Variants in LRP5 observed in about 807,000 individuals in gnomAD.
LRP5 encodes the protein LDL receptor related protein 5.
A neutral mutation model predicts 154.1 loss-of-function variants in LRP5; 62 were observed. The ratio of observed to expected loss-of-function variants is 0.40; its 90% CI spans 0.33 to 0.50. The LOEUF (loss-of-function observed/expected upper bound fraction) is 0.50. Among genes scored for constraint, LRP5 ranks in the 20% least tolerant of loss-of-function variants. LRP5 has a pLI of 0.55. For missense variants in LRP5, 1,915 were observed against 2,336.7 expected (o/e 0.82, Z 3.72); for synonymous variants, 966 against 1,011.5 (o/e 0.96, Z 0.85).
chr11:68,433,929 G>A (rs1207816134), intron 18 of LRP5, 91 bp downstream of exon 18: 4 of 1,274,312 alleles, frequency 3.1e-6, no homozygotes, highest in Non-Finnish European at 4.4e-6. Flanking sequence ...ACAGGAGTAG[G>A]GGCTCTGAAA....
At chr11:68,379,045 C>CA (rs992276529) in intron 5 of LRP5, among the ~76,000 whole-genome samples, 104 of 137,602 alleles carry the variant, frequency 7.6e-4, no homozygotes, top group East Asian at 1.0e-3. Context: ...GACTCTGTCT[C>CA]AAAAAAAAAA....
At chr11:68,397,829 C>T (rs1184708842) in intron 7 of LRP5, among the ~76,000 whole-genome samples, 5 of 152,176 alleles carry the variant, frequency 3.3e-5, no homozygotes, top group Non-Finnish European at 4.4e-5. Flanking sequence ...CTTTGACAGG[C>T]ACCCCTGACT....
intron 5 of LRP5, among the ~76,000 whole-genome samples, chr11:68,373,380 C>T (rs571890361): frequency 2.5e-4 from 36 of 144,244 alleles, no homozygotes; most frequent in African/African-American, 8.5e-4. Flanking sequence ...GGTAGGGATG[C>T]GTTGGTGGCG....
At chr11:68,387,306 G>A (rs1331921738) in intron 6 of LRP5, among the ~76,000 whole-genome samples, 4 of 152,034 alleles carry the variant, frequency 2.6e-5, no homozygotes, top group South Asian at 4.2e-4. Context: ...GTAGAGATGG[G>A]GTTTCACCGT....
In LRP5 at chr11:68,329,557, C is replaced by T. The variant is rs190038698; in HGVS notation, c.91+16752C>T. Among the ~76,000 whole-genome samples the T allele has an allele frequency of 1.2e-4, 18 of 152,346 alleles. No individual in the cohort carries two copies. The East Asian group carries it at 1.9e-3, about 16-fold the overall frequency. ...ATGGGTTTCAGTAAGTGCAAGCCCT[C>T]CTTGTCATCCCAGACCTCAGCCTGC... On this transcript the variant is annotated intron_variant, in intron 1 of 22. Transcript: ENST00000294304.
intron 17 of LRP5, among the ~76,000 whole-genome samples, chr11:68,430,320 C>T (rs2098671204): frequency 6.6e-6 from 1 of 152,160 alleles, no homozygotes; most frequent in African/African-American, 2.4e-5. Context: ...ATTACAGGTG[C>T]ACGCCACCAT....
intron 6 of LRP5, among the ~76,000 whole-genome samples, chr11:68,388,845 CA>C (rs1042745297): frequency 1.4e-4 from 22 of 152,276 alleles, no homozygotes; most frequent in Admixed American, 1.0e-3. Context: ...ATCCCTGTCC[CA>C]GGGGAGCCCC....
intron 3 of LRP5, among the ~76,000 whole-genome samples, chr11:68,358,548 C>A (rs535208933): frequency 6.6e-6 from 1 of 152,238 alleles, no homozygotes; most frequent in African/African-American, 2.4e-5. Context: ...ACACGCACCA[C>A]CCCCACCCTG....
Position 68,448,839 on chromosome 11 carries a change from G to A in LRP5, c.4617G>A (p.Pro1539=), listed in dbSNP as rs1168730573. 5.0e-6 allele frequency: 8 copies of A among 1,609,610 alleles called. No homozygotes were observed. Among genetic ancestry groups the A allele is most frequent in the South Asian group, 1.1e-5 (1 of 91,060 alleles). The change falls in exon 23 of 23, where the codon CCG becomes CCA. Residue 1539 remains proline (P), a synonymous_variant. Coordinates refer to ENST00000294304, the MANE Select transcript of LRP5 (RefSeq NM_002335.4). ...ACATCATTCGAGGAATGGCGCCCCC[G>A]ACGACGCCCTGCAGCACCGACGTGT... ...RPYIIRGMAP[P]TTPCSTDVCD...
At chr11:68,364,415 T>G (rs2098629815) in intron 4 of LRP5, among the ~76,000 whole-genome samples, 1 of 150,104 alleles carries the variant, frequency 6.7e-6, no homozygotes, top group Non-Finnish European at 1.5e-5. Context: ...AGATGAGAGA[T>G]TTTGCCACGT....
chr11:68,323,536 C>T (rs552720806), intron 1 of LRP5, among the ~76,000 whole-genome samples: 10 of 152,296 alleles, frequency 6.6e-5, no homozygotes, highest in African/African-American at 1.7e-4. Context: ...GCCTCAGCCT[C>T]CTGAGTAGCT....
At chr11:68,388,949 C>A (rs2098644525) in intron 6 of LRP5, among the ~76,000 whole-genome samples, 1 of 152,210 alleles carries the variant, frequency 6.6e-6, no homozygotes, top group African/African-American at 2.4e-5. Flanking sequence ...TTTACAAACA[C>A]CGACATTGAC....
intron 1 of LRP5, among the ~76,000 whole-genome samples, chr11:68,322,414 C>G (rs2098597246): frequency 6.6e-6 from 1 of 152,246 alleles, no homozygotes; most frequent in Non-Finnish European, 1.5e-5. Flanking sequence ...ATTAATTTTT[C>G]TCCAAGTAGT....
Position 68,438,654 on chromosome 11 carries a change from G to A in LRP5, c.4320G>A (p.Pro1440=), listed in dbSNP as rs753598091. The A allele has an allele frequency of 1.1e-5, 17 of 1,613,036 alleles. No homozygotes were observed. The highest frequency in any genetic ancestry group is 6.7e-5 in the Admixed American group (4 of 59,970). Residue 1440 remains proline (P), a synonymous_variant, in exon 20 of 23, where the codon CCG becomes CCA. Coordinates refer to ENST00000294304, the MANE Select transcript of LRP5 (RefSeq NM_002335.4). ...TPHVPLNFIA[P]GGSQHGPFTG... is the part of the protein sequence containing the mutation. ...ACGTGCCCCTCAATTTCATAGCCCC[G>A]GGCGGTTCCCAGCATGGCCCCTTCA...
At chr11:68,319,860 T>C (rs7936763) in intron 1 of LRP5, among the ~76,000 whole-genome samples, 6,710 of 152,186 alleles carry the variant, frequency 0.044, 484 homozygotes, top group African/African-American at 0.15. Flanking sequence ...TCCATTTCTG[T>C]TTTTAAAGAT....
At chr11:68,400,176 C>A (rs2098651870) in intron 7 of LRP5, among the ~76,000 whole-genome samples, 1 of 152,142 alleles carries the variant, frequency 6.6e-6, no homozygotes, top group South Asian at 2.1e-4. Flanking sequence ...CCCGTCGCCT[C>A]CTCTCACTTT....
Position 68,409,933 on chromosome 11 carries a change from T to C in LRP5, c.2111T>C (p.Met704Thr), listed in dbSNP as rs2098658465. The C allele has an allele frequency of 7.4e-6, 12 of 1,613,688 alleles. No homozygotes were observed. The highest frequency in any genetic ancestry group is 1.1e-5 in the South Asian group (1 of 91,054). ...TGCCAGACCATCAGCCGCGCCTTCATGAACGGGAGCTCGGTGGAGCACGTG... is the reference window on the plus strand; with the variant it reads ...TGCCAGACCATCAGCCGCGCCTTCACGAACGGGAGCTCGGTGGAGCACGTG... ...VSLKTISRAF[M>T]NGSSVEHVVE... is the part of the protein sequence containing the mutation. The change falls in exon 10 of 23, where the codon ATG (methionine) becomes ACG (threonine). Residue 704 changes from methionine to threonine, a missense_variant. Coordinates refer to ENST00000294304, the MANE Select transcript of LRP5 (RefSeq NM_002335.4).
chr11:68,394,272 T>A (rs1351919303), intron 7 of LRP5, among the ~76,000 whole-genome samples: 1 of 151,986 alleles, frequency 6.6e-6, no homozygotes, highest in African/African-American at 2.4e-5. Context: ...AGGAAGGAAT[T>A]CCAGATTCTC....
intron 7 of LRP5, among the ~76,000 whole-genome samples, chr11:68,401,059 C>A (rs556425513): frequency 1.4e-4 from 21 of 152,186 alleles, no homozygotes; most frequent in Non-Finnish European, 2.4e-4. Context: ...AAGGGTTCGC[C>A]CGCTACTGTG....
Sources: allele counts gnomAD v4.1 joint callset (sites outside exome capture counted in the v4.1 genomes callset), GRCh38; gene constraint gnomAD v4.1.1; transcripts MANE v1.5; gene names NCBI Gene and HGNC (gene_info 2026-07-23, HGNC 2026-07-21).